The following ELF5 variants were observed in gnomAD, a reference collection of about 807,000 sequenced individuals.
ELF5 encodes the protein ETS-related transcription factor Elf-5.
In ELF5, 31 loss-of-function variants were observed where a neutral mutation model predicts 38.2. The ratio of observed to expected loss-of-function variants is 0.81; its 90% CI spans 0.61 to 1.10. ELF5 has a LOEUF of 1.10. ELF5 is among the 50% of genes least tolerant of loss of function. The pLI, the probability that ELF5 is intolerant of heterozygous loss-of-function variation, is 0.00. For missense variants in ELF5, 300 were observed against 306.6 expected (o/e 0.98, Z 0.16); for synonymous variants, 121 against 112.5 (o/e 1.08, Z -0.48).
At chr11:34,506,216 C>T (rs550103285) in intron 1 of ELF5, among the ~76,000 whole-genome samples, 4 of 152,206 alleles carry the variant, frequency 2.6e-5, no homozygotes, top group Non-Finnish European at 4.4e-5. Context: ...GCTATTATCC[C>T]GAGCAAATTA....
intron 1 of ELF5, among the ~76,000 whole-genome samples, chr11:34,510,801 C>G (rs1009858642): frequency 2.0e-4 from 31 of 152,042 alleles, no homozygotes; most frequent in African/African-American, 7.0e-4. Context: ...AAAAAATGAC[C>G]TAAAAAGTGT....
chr11:34,505,106 C>T (rs1850579526), intron 2 of ELF5, among the ~76,000 whole-genome samples: 1 of 152,140 alleles, frequency 6.6e-6, no homozygotes, highest in Admixed American at 6.5e-5. Flanking sequence ...CTGTGAGGCC[C>T]AGGGCAAGTC....
intron 2 of ELF5, among the ~76,000 whole-genome samples, chr11:34,497,575 C>T (rs1024685544): frequency 6.6e-6 from 1 of 152,154 alleles, no homozygotes; most frequent in African/African-American, 2.4e-5. Flanking sequence ...GGTGGGTGCA[C>T]CAGATGCCCG....
chr11:34,504,349 C>A (rs575753731), intron 2 of ELF5, among the ~76,000 whole-genome samples: 1 of 152,282 alleles, frequency 6.6e-6, no homozygotes, highest in East Asian at 1.9e-4. Flanking sequence ...GATTCAAGTC[C>A]AAATGCAATG....
chr11:34,498,810 G>A (rs950907000), intron 2 of ELF5, among the ~76,000 whole-genome samples: 3 of 152,166 alleles, frequency 2.0e-5, no homozygotes, highest in Admixed American at 6.5e-5. Context: ...ATCATTTCCA[G>A]GTCGGGTGCA....
At chr11:34,498,970 A>C (rs1564982093) in intron 2 of ELF5, among the ~76,000 whole-genome samples, 1 of 152,088 alleles carries the variant, frequency 6.6e-6, no homozygotes, top group Non-Finnish European at 1.5e-5. Context: ...GCACGCCTGT[A>C]ATCCCAGCTA....
intron 4 of ELF5, among the ~76,000 whole-genome samples, chr11:34,485,431 A>G (rs1286064198): frequency 6.6e-6 from 1 of 152,214 alleles, no homozygotes; most frequent in African/African-American, 2.4e-5. Flanking sequence ...CTTTTAGGAG[A>G]AGAGAAAACA....
intron 3 of ELF5, 130 bp downstream of exon 3, chr11:34,493,349 G>T: frequency 1.2e-6 from 1 of 862,018 alleles, no homozygotes; most frequent in Non-Finnish European, 1.9e-6. Context: ...GTTATTGAAG[G>T]TTTGGATTAA....
At chr11:34,500,634 T>C (rs925707708) in intron 2 of ELF5, among the ~76,000 whole-genome samples, 1 of 152,270 alleles carries the variant, frequency 6.6e-6, no homozygotes, top group African/African-American at 2.4e-5. Context: ...CAGGTGCATG[T>C]CCACTGGGCT....
At chr11:34,498,753 T>C (rs1364871510) in intron 2 of ELF5, among the ~76,000 whole-genome samples, 1 of 152,214 alleles carries the variant, frequency 6.6e-6, no homozygotes, top group Non-Finnish European at 1.5e-5. Flanking sequence ...TCCTTCTTTG[T>C]TATAGATAAC....
intron 1 of ELF5, among the ~76,000 whole-genome samples, chr11:34,510,201 A>G (rs1292950780): frequency 1.3e-5 from 2 of 152,266 alleles, no homozygotes; most frequent in South Asian, 4.1e-4. Context: ...GGCAAATTAT[A>G]TCCATTAAGT....
chr11:34,507,945 A>G (rs1850650584), intron 1 of ELF5, among the ~76,000 whole-genome samples: 2 of 152,208 alleles, frequency 1.3e-5, no homozygotes, highest in South Asian at 2.1e-4. Flanking sequence ...CTCAATCCAT[A>G]TACTACGAGC....
chr11:34,482,536 T>TA, intron 4 of ELF5, 37 bp from the exon 5 acceptor site: 1 of 1,551,788 alleles, frequency 6.4e-7, no homozygotes, highest in Non-Finnish European at 8.8e-7. Flanking sequence ...GAAAGGGATA[T>TA]AGAGGCCACA....
chr11:34,506,181 T>C (rs145321061), intron 1 of ELF5, among the ~76,000 whole-genome samples: 3 of 152,316 alleles, frequency 2.0e-5, no homozygotes, highest in Non-Finnish European at 4.4e-5. Context: ...TCATGCCCTG[T>C]GCAGTAACAC....
chr11:34,483,287 G>A (rs1412248003), intron 4 of ELF5, among the ~76,000 whole-genome samples: 17 of 151,908 alleles, frequency 1.1e-4, no homozygotes, highest in Admixed American at 1.1e-3. Context: ...CCTCCCCACT[G>A]CTCCGCATTT....
chr11:34,509,485 A>T (rs1486557264), intron 1 of ELF5, among the ~76,000 whole-genome samples: 1 of 151,992 alleles, frequency 6.6e-6, no homozygotes, highest in African/African-American at 2.4e-5. Flanking sequence ...ATGCCTGGAG[A>T]GGGTTAATGT....
intron 4 of ELF5, among the ~76,000 whole-genome samples, chr11:34,486,767 A>T (rs1850006756): frequency 6.6e-6 from 1 of 152,262 alleles, no homozygotes; most frequent in Non-Finnish European, 1.5e-5. Context: ...TAAGCAGAAC[A>T]CTTGGCACAG....
At chr11:34,509,948 C>T (rs1850712026) in intron 1 of ELF5, among the ~76,000 whole-genome samples, 2 of 152,156 alleles carry the variant, frequency 1.3e-5, no homozygotes, top group South Asian at 4.1e-4. Flanking sequence ...GGAATGAGAT[C>T]TTCCTCATCT....
chr11:34,494,435 C>T, intron 2 of ELF5, among the ~76,000 whole-genome samples: 1 of 152,182 alleles, frequency 6.6e-6, no homozygotes, highest in East Asian at 1.9e-4. Context: ...GTAGGCACCT[C>T]CAGAGGAAGG....
Sources: allele counts gnomAD v4.1 joint callset (sites outside exome capture counted in the v4.1 genomes callset), GRCh38; gene constraint gnomAD v4.1.1; transcripts MANE v1.5; gene names NCBI Gene and HGNC (gene_info 2026-07-23, HGNC 2026-07-21).